The following LHFPL6 variants were observed in gnomAD, a reference collection of about 807,000 sequenced individuals.
The protein encoded by LHFPL6 is LHFPL tetraspan subfamily member 6, also known as LHFPL tetraspan subfamily member 6 protein.
LHFPL6 carries 9 observed loss-of-function variants against 20.6 expected under a neutral mutation model. That is an observed-to-expected ratio of 0.44 (90% CI 0.26 to 0.76). The LOEUF is 0.76. Among genes scored for constraint, LHFPL6 ranks in the 30% least tolerant of loss-of-function variants. The probability of loss-of-function intolerance (pLI) is 0.20; values close to 1 mark genes in which losing one functional copy is unlikely to be tolerated. For missense variants in LHFPL6, 218 were observed against 253.5 expected (o/e 0.86, Z 0.95); for synonymous variants, 105 against 98.7 (o/e 1.06, Z -0.38).
At chr13:39,491,179 G>A (rs1868913333) in intron 2 of LHFPL6, among the ~76,000 whole-genome samples, 1 of 152,174 alleles carries the variant, frequency 6.6e-6, no homozygotes, top group African/African-American at 2.4e-5. Flanking sequence ...GCCACATAAG[G>A]TTTACAAATT....
intron 2 of LHFPL6, among the ~76,000 whole-genome samples, chr13:39,480,156 G>C (rs572602685): frequency 6.6e-6 from 1 of 152,216 alleles, no homozygotes; most frequent in African/African-American, 2.4e-5. Context: ...TTTGAAGAAG[G>C]TCTTGTCTGA....
Position 39,400,829 on chromosome 13 carries a change from A to G in LHFPL6, c.386-22303T>C, listed in dbSNP as rs1256863160. On this transcript the variant is annotated intron_variant, in intron 2 of 3. Coordinates refer to ENST00000379589, the MANE Select transcript of LHFPL6 (RefSeq NM_005780.3). ...AAAAAGAATGGCAAATATTAGTAAT[A>G]CTCTTATATATCTTCCCAGCACCAA... Among the ~76,000 whole-genome samples, 3 of 150,546 alleles carry G rather than the reference A, an allele frequency of 2.0e-5. No homozygotes were observed. The East Asian group carries it at 5.9e-4, about 30-fold the overall frequency.
In LHFPL6 at chr13:39,544,228, C is replaced by T. The variant is rs117551774; in HGVS notation, c.385+56604G>A. Among the ~76,000 whole-genome samples, 21 of 152,258 alleles carry T rather than the reference C, an allele frequency of 1.4e-4. No homozygotes were observed. In the South Asian group the frequency reaches 2.9e-3, roughly 21 times the overall value. On this transcript the variant is annotated intron_variant, in intron 2 of 3. Coordinates refer to ENST00000379589, the MANE Select transcript of LHFPL6 (RefSeq NM_005780.3). Reference sequence around the variant, plus strand: ...AATTTGAAAGAAAATTGTCTGGGCTCGTTCACTGAGGAAGAATTTGTTTTG... The same window carrying T: ...AATTTGAAAGAAAATTGTCTGGGCTTGTTCACTGAGGAAGAATTTGTTTTG...
intron 2 of LHFPL6, among the ~76,000 whole-genome samples, chr13:39,596,287 T>C (rs1872768449): frequency 6.6e-6 from 1 of 152,276 alleles, no homozygotes; most frequent in East Asian, 1.9e-4. Context: ...GAGAGGTTTA[T>C]AGCAGATTAT....
intron 2 of LHFPL6, among the ~76,000 whole-genome samples, chr13:39,526,897 T>C (rs150297116): frequency 1.3e-5 from 2 of 152,338 alleles, no homozygotes; most frequent in Non-Finnish European, 2.9e-5. Flanking sequence ...AATCAAACAG[T>C]AGACTCTGAG....
chr13:39,487,322 C>T (rs1444064907), intron 2 of LHFPL6, among the ~76,000 whole-genome samples: 1 of 152,146 alleles, frequency 6.6e-6, no homozygotes, highest in Admixed American at 6.5e-5. Context: ...TTTTAGTAGA[C>T]AAAAGAGCAA....
intron 3 of LHFPL6, among the ~76,000 whole-genome samples, chr13:39,375,543 T>A (rs1325715280): frequency 1.3e-5 from 2 of 151,980 alleles, no homozygotes; most frequent in Non-Finnish European, 2.9e-5. Context: ...ATATAAAAAT[T>A]AGCTGGGCCT....
intron 2 of LHFPL6, among the ~76,000 whole-genome samples, chr13:39,477,151 A>G (rs903451618): frequency 6.6e-6 from 1 of 151,844 alleles, no homozygotes; most frequent in East Asian, 1.9e-4. Context: ...TACCTCCCCC[A>G]GGTCCCTCTG....
At chr13:39,407,762 A>G (rs918068681) in intron 2 of LHFPL6, among the ~76,000 whole-genome samples, 1 of 152,260 alleles carries the variant, frequency 6.6e-6, no homozygotes, top group Non-Finnish European at 1.5e-5. Context: ...ACCTTTGCAC[A>G]TAATTTTTAA....
intron 2 of LHFPL6, among the ~76,000 whole-genome samples, chr13:39,492,862 T>C (rs1010806462): frequency 2.0e-5 from 3 of 152,010 alleles, no homozygotes; most frequent in Non-Finnish European, 2.9e-5. Flanking sequence ...GTATTTTTAG[T>C]AGAGATGGAG....
At chr13:39,422,637 C>T (rs1283378905) in intron 2 of LHFPL6, among the ~76,000 whole-genome samples, 2 of 149,902 alleles carry the variant, frequency 1.3e-5, no homozygotes, top group Non-Finnish European at 3.0e-5. Context: ...CAATGCGCAA[C>T]AGCTACAAAT....
intron 2 of LHFPL6, among the ~76,000 whole-genome samples, chr13:39,553,921 C>T (rs1046004322): frequency 5.3e-5 from 8 of 152,324 alleles, no homozygotes; most frequent in African/African-American, 1.9e-4. Context: ...CTAACCTAAG[C>T]CAGCCCAGAC....
intron 3 of LHFPL6, among the ~76,000 whole-genome samples, chr13:39,375,851 G>A (rs745397242): frequency 1.4e-4 from 21 of 151,820 alleles, no homozygotes; most frequent in Non-Finnish European, 2.4e-4. Flanking sequence ...TTATGCAGTG[G>A]ACCTAGAACT....
intron 2 of LHFPL6, among the ~76,000 whole-genome samples, chr13:39,565,994 AT>A (rs1157429423): frequency 6.6e-6 from 1 of 152,232 alleles, no homozygotes; most frequent in Non-Finnish European, 1.5e-5. Context: ...GTTTAATTGG[AT>A]TTTTAAATTA....
intron 2 of LHFPL6, among the ~76,000 whole-genome samples, chr13:39,509,824 G>A (rs990895402): frequency 1.3e-5 from 2 of 152,150 alleles, no homozygotes; most frequent in African/African-American, 2.4e-5. Context: ...GCCAGGCAGG[G>A]TGGCATGTGC....
At chr13:39,404,644 C>T (rs1871073343) in intron 2 of LHFPL6, among the ~76,000 whole-genome samples, 1 of 152,178 alleles carries the variant, frequency 6.6e-6, no homozygotes, top group African/African-American at 2.4e-5. Flanking sequence ...TGTTACTTTT[C>T]CAGCAAAGAC....
intron 2 of LHFPL6, among the ~76,000 whole-genome samples, chr13:39,560,737 T>G (rs1242611828): frequency 2.0e-5 from 3 of 152,118 alleles, no homozygotes; most frequent in African/African-American, 7.2e-5. Flanking sequence ...GGATGGTCTC[T>G]ATCTCCTGAC....
At chr13:39,514,731 A>T (rs1321008485) in intron 2 of LHFPL6, among the ~76,000 whole-genome samples, 2 of 152,242 alleles carry the variant, frequency 1.3e-5, no homozygotes, top group Admixed American at 1.3e-4. Context: ...CAAAACACTG[A>T]ATTCAACGTG....
chr13:39,347,261 T>A (rs1869430271), intron 3 of LHFPL6, among the ~76,000 whole-genome samples: 1 of 152,140 alleles, frequency 6.6e-6, no homozygotes, highest in African/African-American at 2.4e-5. Flanking sequence ...GTTGCTGACA[T>A]GAGAGCTTCA....
Sources: gnomAD v4.1 joint callset for allele counts (sites outside exome capture counted in the v4.1 genomes callset) on GRCh38, gnomAD v4.1.1 for gene constraint, MANE v1.5 for transcripts, NCBI Gene and HGNC (gene_info 2026-07-23, HGNC 2026-07-21) for gene names.